The following MUC5AC variants were observed in gnomAD, a reference collection of about 807,000 sequenced individuals.
MUC5AC encodes the protein mucin-5AC.
A neutral mutation model predicts 169.7 loss-of-function variants in MUC5AC; 158 were observed. The observed-to-expected ratio is 0.93, with a 90% CI of 0.82 to 1.06. The LOEUF (loss-of-function observed/expected upper bound fraction) is 1.06, where lower values mean the gene tolerates loss of function less well. MUC5AC is among the 50% of genes least tolerant of loss of function. The probability of loss-of-function intolerance (pLI) is 0.00; values close to 1 mark genes in which losing one functional copy is unlikely to be tolerated. For missense variants in MUC5AC, 4,359 were observed against 3,089.9 expected, an observed-to-expected ratio of 1.41 and a Z score of -9.74; for synonymous variants, 1,975 against 1,237.0, an observed-to-expected ratio of 1.60 and a Z score of -12.52.
At chr11:1,174,295 G>A (rs1366528665) in intron 16 of MUC5AC, among the ~76,000 whole-genome samples, 7 of 152,244 alleles carry the variant, frequency 4.6e-5, no homozygotes, top group Non-Finnish European at 1.0e-4. Context: ...CCCCTGCTCT[G>A]CACAGTGGTT....
chr11:1,197,685 C>T (rs1363126033), intron 41 of MUC5AC, 46 bp downstream of exon 41: 1 of 654,832 alleles, frequency 1.5e-6, no homozygotes, highest in South Asian at 1.6e-5. Flanking sequence ...AGGCAGGTGA[C>T]CCGGAGCCCA....
In MUC5AC at chr11:1,186,800, C is replaced by T. The variant is rs1453752187; in HGVS notation, c.8655C>T (p.Ser2885=). 24 of 743,460 alleles carry T rather than the reference C, an allele frequency of 3.2e-5. No individual in the cohort carries two copies. The African/African-American group carries it at 3.5e-4, about 11-fold the overall frequency. 46.1% of individuals were successfully genotyped at this position (743,460 alleles called of 1,614,324 possible). ...CCTCTGGCCCTGGAACTACTCCCAG[C>T]CCTGTTCCCACCACCAGTACAACCT... ...STTSGPGTTP[S]PVPTTSTTSA... is the part of the protein sequence containing the mutation. The change falls in exon 31 of 49, where the codon AGC becomes AGT. Residue 2885 remains serine, a synonymous_variant. Transcript: ENST00000621226.
rs1229625013 is a variant in MUC5AC, at chr11:1,184,034, C to A, written c.5889C>A (p.Gly1963=). ...GCACCTGGACCGAGTGGATTGATGG[C>A]AGCTACCCTGCTCCTGGAATAAATG... ...ELCTWTEWID[G]SYPAPGINGG... The change falls in exon 31 of 49, where the codon GGC becomes GGA. Residue 1963 remains glycine (G), a synonymous_variant. Coordinates refer to ENST00000621226, the MANE Select transcript of MUC5AC (RefSeq NM_001304359.2). 1.0e-5 allele frequency: 4 copies of A among 393,010 alleles called. No individual in the cohort carries two copies. Among genetic ancestry groups the A allele is most frequent in the East Asian group, 7.2e-5 (2 of 27,894 alleles). The allele number at this position is 393,010 out of a possible 1,614,324, so 24.3% of individuals were successfully genotyped here. A position where few individuals can be genotyped will look rare whatever the true frequency, so the allele number is the denominator to read the frequency against.
intron 15 of MUC5AC, among the ~76,000 whole-genome samples, chr11:1,172,159 A>G (rs1250996376): frequency 1.3e-5 from 2 of 152,212 alleles, no homozygotes; most frequent in Non-Finnish European, 1.5e-5. Context: ...CGTCCCTGGA[A>G]GGCGGCACTG....
rs1213509270 is a variant in MUC5AC at position 1,199,459 on chromosome 11, A to C, written c.16484A>C (p.Lys5495Thr). Residue 5495 changes from lysine (K) to threonine (T), a missense_variant, in exon 46 of 49, where the codon AAG becomes ACG. Transcript: ENST00000621226. ...GATGGGCTCGTGGTGGTCACCACGA[A>C]GAAGGCGTGCCCCCCGCTCAGCTGT... ...HQDGLVVVTT[K>T]KACPPLSCSL... The C allele has an allele frequency of 1.4e-6, 1 of 724,500 alleles. No individual in the cohort carries two copies. Among genetic ancestry groups the C allele is most frequent in the Non-Finnish European group, 2.5e-6 (1 of 397,208 alleles). 44.9% of individuals were successfully genotyped at this position (724,500 alleles called of 1,614,324 possible).
At chr11:1,198,845 T>A (rs766140336) in intron 43 of MUC5AC, 29 bp from the exon 44 acceptor site, 2 of 711,630 alleles carry the variant, frequency 2.8e-6, no homozygotes, top group Non-Finnish European at 5.1e-6. Context: ...CCCAAGCTCA[T>A]GAGTGTCTGC....
rs941936731 is a variant in MUC5AC, at chr11:1,172,416, C to T, written c.1871-13C>T. ...TGATCTTAATCCTAACCCTATCCCT[C>T]CTCTGTCCACAGAGAAGTATGCTCA... On this transcript the variant is annotated splice_polypyrimidine_tract_variant and intron_variant, in intron 15 of 48. Transcript: ENST00000621226. The T allele has an allele frequency of 7.5e-6, 3 of 398,694 alleles. No individual in the cohort carries two copies. The highest frequency in any genetic ancestry group is 1.3e-5 in the Non-Finnish European group (3 of 226,082). 24.7% of individuals were successfully genotyped at this position (398,694 alleles called of 1,614,324 possible).
chr11:1,186,516 T>C lies in MUC5AC; in HGVS notation c.8371T>C (p.Ser2791Pro), dbSNP rs1429936913. The change falls in exon 31 of 49, where the codon TCT becomes CCT. Residue 2791 changes from serine (S) to proline (P), a missense_variant. Physicochemically the swap from Ser to Pro is moderately conservative, Grantham distance 74 (BLOSUM62 -1). Coordinates refer to ENST00000621226, the MANE Select transcript of MUC5AC (RefSeq NM_001304359.2). The stretch of plus-strand genomic sequence containing the variant: ...TGCCCCTACAACCAGCACAACTTTG[T>C]CTCCTACAACCAGCACAACCTCTAC... ...ISAPTTSTTL[S>P]PTTSTTSTTI... The C allele has an allele frequency of 2.7e-5, 18 of 662,710 alleles. No homozygotes were observed. In the Admixed American group the frequency reaches 3.0e-4, roughly 11 times the overall value. The allele number at this position is 662,710 out of a possible 1,614,324, so 41.1% of individuals were successfully genotyped here. A position where few individuals can be genotyped will look rare whatever the true frequency, so the allele number is the denominator to read the frequency against.
At chr11:1,171,824 TCACCCACTCAACACTCAC>T in intron 15 of MUC5AC, among the ~76,000 whole-genome samples, 1 of 123,076 alleles carries the variant, frequency 8.1e-6, no homozygotes, top group East Asian at 2.6e-4. Flanking sequence ...ACTCACCCAC[TCACCCACTCAACACTCAC>T]TCACCCACTC....
chr11:1,200,639 G>A lies in MUC5AC; in HGVS notation c.16902G>A (p.Glu5634=). Residue 5634 remains glutamate, a synonymous_variant, in exon 49 of 49, where the codon GAG becomes GAA. Transcript: ENST00000621226. ...DTQHSEEAEP[E]PSQEAESGSW... ...AGCACTCGGAGGAGGCGGAACCCGA[G>A]CCCAGCCAGGAGGCAGAGAGTGGGA... 1.3e-6 allele frequency: 1 copy of A among 763,818 alleles called. No homozygotes were observed. Among genetic ancestry groups the A allele is most frequent in the Non-Finnish European group, 2.4e-6 (1 of 417,000 alleles). The allele number at this position is 763,818 out of a possible 1,614,324, so 47.3% of individuals were successfully genotyped here.
chr11:1,194,731 G>A, intron 35 of MUC5AC, 61 bp downstream of exon 35: 2 of 693,404 alleles, frequency 2.9e-6, no homozygotes, highest in South Asian at 1.6e-5. Context: ...TGCCGGGCAG[G>A]GGCGAGGCCA....
Position 1,167,876 on chromosome 11 carries a change from G to A in MUC5AC, c.1387-1G>A. The A allele has an allele frequency of 6.5e-7, 1 of 1,550,080 alleles. No individual in the cohort carries two copies. Among genetic ancestry groups the A allele is most frequent in the Non-Finnish European group, 8.7e-7 (1 of 1,146,888 alleles). On this transcript the variant is annotated splice_acceptor_variant, in intron 11 of 48. Coordinates refer to ENST00000621226, the MANE Select transcript of MUC5AC (RefSeq NM_001304359.2). LOFTEE classifies it high-confidence loss of function. ...GACCCCTGGTGTGTCGTGTTCCGCA[G>A]CCCTGTGACAGCAGTGCCTTCACTG...
In MUC5AC at chr11:1,190,933, C is replaced by G. The variant is rs1861076179; in HGVS notation, c.12788C>G (p.Thr4263Ser). The part of the protein sequence containing the change: ...PGTTPSPVPS[T>S]STTSAATTST... ...ACTACTCCAAGCCCTGTTCCCAGCA[C>G]CAGTACAACCTCTGCTGCTACAACC... is the stretch of plus-strand genomic sequence containing the variant. Residue 4263 changes from threonine to serine, a missense_variant, in exon 31 of 49, where the codon ACC (threonine) becomes AGC (serine). Transcript: ENST00000621226. 4.1e-6 allele frequency: 3 copies of G among 738,204 alleles called. No individual in the cohort carries two copies. The highest frequency in any genetic ancestry group is 4.9e-6 in the Non-Finnish European group (2 of 405,514). 45.7% of individuals were successfully genotyped at this position (738,204 alleles called of 1,614,324 possible).
In MUC5AC at chr11:1,164,078, C is replaced by T. The variant is rs746217735; in HGVS notation, c.790-28C>T. ...ACCGGTCCAGATCCCCCACCGAGGA[C>T]TCAGACGGGCTGTGGCCTTTGTCCT... On this transcript the variant is annotated intron_variant, in intron 7 of 48. Coordinates refer to ENST00000621226, the MANE Select transcript of MUC5AC (RefSeq NM_001304359.2). The T allele has an allele frequency of 5.0e-6, 8 of 1,610,726 alleles. No individual in the cohort carries two copies. In the African/African-American group the frequency reaches 9.3e-5, roughly 19 times the overall value.
rs1417079253 is a variant in MUC5AC at position 1,190,574 on chromosome 11, C to G, written c.12429C>G (p.His4143Gln). ...CCAGCACGACCTCAGCTCCTACACACAGAACGACTTCTGGTCCTACAACCA... is the reference window on the plus strand; with the variant it reads ...CCAGCACGACCTCAGCTCCTACACAGAGAACGACTTCTGGTCCTACAACCA... The part of the protein sequence containing the change: ...PTTSTTSAPT[H>Q]RTTSGPTTST... Residue 4143 changes from histidine (H) to glutamine (Q), a missense_variant, in exon 31 of 49, where the codon CAC becomes CAG. Physicochemically the swap from His to Gln is conservative, Grantham distance 24. Transcript: ENST00000621226. 1.4e-6 allele frequency: 1 copy of G among 696,688 alleles called. No individual in the cohort carries two copies. Among genetic ancestry groups the G allele is most frequent in the Non-Finnish European group, 2.6e-6 (1 of 381,674 alleles). 43.2% of individuals were successfully genotyped at this position (696,688 alleles called of 1,614,324 possible). A position where few individuals can be genotyped will look rare whatever the true frequency, so the allele number is the denominator to read the frequency against.
intron 2 of MUC5AC, 65 bp from the exon 3 acceptor site, chr11:1,161,462 C>T: frequency 1.2e-5 from 17 of 1,362,996 alleles, no homozygotes; most frequent in Non-Finnish European, 1.7e-5. Flanking sequence ...AACGTCTCCT[C>T]TGGCTGCGGA....
At position 1,165,768 on chromosome 11, in the gene MUC5AC, C is replaced by G; in HGVS notation, c.1386+8C>G. 6.2e-7 allele frequency: 1 copy of G among 1,611,498 alleles called. No individual in the cohort carries two copies. Among genetic ancestry groups the G allele is most frequent in the Non-Finnish European group, 8.5e-7 (1 of 1,179,602 alleles). On this transcript the variant is annotated splice_region_variant and intron_variant, in intron 11 of 48. Transcript: ENST00000621226. ...AGCTATGTGCTGACCAAGGTACGGC[C>G]TGGCTGCCTGGGGTGCTCGCCGGAC...
chr11:1,190,092 A>G lies in MUC5AC; in HGVS notation c.11947A>G (p.Ile3983Val). 1 of 762,766 alleles carries G rather than the reference A, an allele frequency of 1.3e-6. No individual in the cohort carries two copies. Among genetic ancestry groups the G allele is most frequent in the Non-Finnish European group, 2.4e-6 (1 of 416,644 alleles). 47.2% of individuals were successfully genotyped at this position (762,766 alleles called of 1,614,324 possible). The change falls in exon 31 of 49, where the codon ATC becomes GTC. Residue 3983 changes from isoleucine to valine, a missense_variant. Ile to Val is a conservative substitution (Grantham distance 29). Coordinates refer to ENST00000621226, the MANE Select transcript of MUC5AC (RefSeq NM_001304359.2). ...TGGGGACAAGGAAACCTACAACAAC[A>G]TCATCAGGAGTGGGGAAAAAATCTG... Reference protein sequence around the residue: ...HGGDKETYNNIIRSGEKICRR... With the variant: ...HGGDKETYNNVIRSGEKICRR...
At chr11:1,165,181 T>C (rs1590135061) in intron 9 of MUC5AC, 121 bp from the exon 10 acceptor site, 4 of 923,632 alleles carry the variant, frequency 4.3e-6, no homozygotes, top group South Asian at 3.3e-5. Flanking sequence ...GAGGCCCCCG[T>C]CCTGGGCCCC....
Sources: allele counts gnomAD v4.1 joint callset (sites outside exome capture counted in the v4.1 genomes callset), GRCh38; gene constraint gnomAD v4.1.1; transcripts MANE v1.5; gene names NCBI Gene and HGNC (gene_info 2026-07-23, HGNC 2026-07-21).